The following COL5A2 variants were observed in gnomAD, a reference collection of about 807,000 sequenced individuals.
The protein encoded by COL5A2 is collagen alpha-2(V) chain.
A neutral mutation model predicts 208.2 loss-of-function variants in COL5A2; 23 were observed. That is an observed-to-expected ratio of 0.11 (90% CI 0.08 to 0.16). The LOEUF is 0.16. Among genes scored for constraint, COL5A2 ranks in the 10% least tolerant of loss-of-function variants. COL5A2 has a pLI of 1.00. For synonymous variants in COL5A2, 625 were observed against 628.5 expected (o/e 0.99, Z 0.08); for missense variants, 1,590 against 1,956.4 (o/e 0.81, Z 3.53).
At chr2:189,041,935 C>A (rs2153506859) in intron 49 of COL5A2, among the ~76,000 whole-genome samples, 1 of 152,264 alleles carries the variant, frequency 6.6e-6, no homozygotes, top group East Asian at 1.9e-4. Flanking sequence ...ATGGACTAAT[C>A]ACCTACTTTT....
At chr2:189,250,236 T>C in the COL5A2 span, among the ~76,000 whole-genome samples, 2 of 152,198 alleles carry the variant, frequency 1.3e-5, no homozygotes, top group Admixed American at 6.5e-5. Flanking sequence ...TTTGGATATA[T>C]GAACTGATTT....
intron 1 of COL5A2, among the ~76,000 whole-genome samples, chr2:189,178,218 C>A (rs1005171482): frequency 2.6e-5 from 4 of 152,018 alleles, no homozygotes; most frequent in Non-Finnish European, 4.4e-5. Flanking sequence ...AGAAAGTGCC[C>A]CCTCTATGGG....
chr2:189,393,868 C>A, the COL5A2 span, among the ~76,000 whole-genome samples: 2 of 152,196 alleles, frequency 1.3e-5, no homozygotes, highest in Non-Finnish European at 2.9e-5. Context: ...TCACAGCATG[C>A]AAGACCTTCG....
At chr2:189,311,485 TC>T in the COL5A2 span, 1 of 1,052,198 alleles carries the variant, frequency 9.5e-7, no homozygotes. Flanking sequence ...CTTGGTGCTG[TC>T]CCTCTGCCCG....
At chr2:189,262,953 A>G in the COL5A2 span, among the ~76,000 whole-genome samples, 1 of 152,160 alleles carries the variant, frequency 6.6e-6, no homozygotes, top group Non-Finnish European at 1.5e-5. Flanking sequence ...TCACAGTTGC[A>G]TTCCAGAGAA....
the COL5A2 span, among the ~76,000 whole-genome samples, chr2:189,286,365 T>A: frequency 6.6e-6 from 1 of 152,246 alleles, no homozygotes; most frequent in South Asian, 2.1e-4. Flanking sequence ...CAAAAGAAGA[T>A]GAAGAAATAA....
intron 1 of COL5A2, among the ~76,000 whole-genome samples, chr2:189,164,658 C>A (rs560558854): frequency 6.6e-6 from 1 of 151,930 alleles, no homozygotes; most frequent in East Asian, 1.9e-4. Context: ...AATAATAACA[C>A]CTTTATGTAA....
At chr2:189,128,642 TTGTATTTTTTAGA>T in intron 1 of COL5A2, among the ~76,000 whole-genome samples, 1 of 152,092 alleles carries the variant, frequency 6.6e-6, no homozygotes, top group East Asian at 1.9e-4. Context: ...AACTGGAAAC[TTGTATTTTTTAGA>T]AGCATCTCTA....
At chr2:189,329,325 G>A in the COL5A2 span, among the ~76,000 whole-genome samples, 4 of 152,188 alleles carry the variant, frequency 2.6e-5, no homozygotes, top group African/African-American at 7.2e-5. Context: ...TTACCAAGAG[G>A]TGGGAGAGAT....
the COL5A2 span, among the ~76,000 whole-genome samples, chr2:189,334,803 A>C: frequency 6.6e-6 from 1 of 152,080 alleles, no homozygotes; most frequent in Non-Finnish European, 1.5e-5. Flanking sequence ...AAAAATGTTT[A>C]AGGGCTTGCA....
intron 1 of COL5A2, among the ~76,000 whole-genome samples, chr2:189,118,188 T>A (rs1687433331): frequency 6.6e-6 from 1 of 152,004 alleles, no homozygotes; most frequent in South Asian, 2.1e-4. Context: ...TAAAATACCA[T>A]GAATTATAGG....
chr2:189,078,827 A>G (rs1229913321), intron 15 of COL5A2, among the ~76,000 whole-genome samples: 1 of 152,202 alleles, frequency 6.6e-6, no homozygotes, highest in Non-Finnish European at 1.5e-5. Context: ...CTGAGTATAG[A>G]AAAAGAATAA....
intron 1 of COL5A2, among the ~76,000 whole-genome samples, chr2:189,223,395 T>G (rs1174189675): frequency 6.6e-6 from 1 of 152,148 alleles, no homozygotes; most frequent in Non-Finnish European, 1.5e-5. Context: ...TTCTCCTCAT[T>G]CACTGAGTCT....
chr2:189,097,969 C>G (rs191230262), intron 5 of COL5A2, among the ~76,000 whole-genome samples: 237 of 152,168 alleles, frequency 1.6e-3, no homozygotes, highest in Admixed American at 9.5e-3. Flanking sequence ...TTACTTTTCC[C>G]TTAAATAACA....
intron 29 of COL5A2, among the ~76,000 whole-genome samples, chr2:189,062,583 GTTTTC>G (rs1156381037): frequency 2.6e-5 from 4 of 152,054 alleles, no homozygotes; most frequent in Non-Finnish European, 4.4e-5. Flanking sequence ...GTTACACACT[GTTTTC>G]TTCAGTTGAT....
chr2:189,058,328 T>A (rs1685945313), intron 33 of COL5A2, 101 bp downstream of exon 33: 1 of 958,924 alleles, frequency 1.0e-6, no homozygotes, highest in Non-Finnish European at 1.7e-6. Flanking sequence ...ATAATCAAAT[T>A]ATCTTTCAAA....
chr2:189,236,170 A>T, the COL5A2 span, among the ~76,000 whole-genome samples: 1 of 151,682 alleles, frequency 6.6e-6, no homozygotes, highest in African/African-American at 2.4e-5. Context: ...ATTTTGCCCC[A>T]TGAGTCTTTT....
intron 29 of COL5A2, among the ~76,000 whole-genome samples, chr2:189,061,907 T>C (rs373726704): frequency 3.9e-5 from 6 of 152,160 alleles, no homozygotes; most frequent in African/African-American, 1.4e-4. Flanking sequence ...GGATTGAATA[T>C]AGGAAAACCC....
intron 6 of COL5A2, among the ~76,000 whole-genome samples, chr2:189,093,057 G>A (rs527730681): frequency 2.0e-5 from 3 of 152,142 alleles, no homozygotes; most frequent in African/African-American, 2.4e-5. Context: ...AGACCATTGA[G>A]AAATTAGAGG....
Sources: gnomAD v4.1 joint callset for allele counts (sites outside exome capture counted in the v4.1 genomes callset) on GRCh38, gnomAD v4.1.1 for gene constraint, MANE v1.5 for transcripts, NCBI Gene and HGNC (gene_info 2026-07-23, HGNC 2026-07-21) for gene names.